Variants in ODR4 observed in about 807,000 individuals in gnomAD.
ODR4 encodes the protein protein odr-4 homolog.
ODR4 carries 47 observed loss-of-function variants against 60.2 expected under a neutral mutation model. The ratio of observed to expected loss-of-function variants is 0.78; its 90% CI spans 0.62 to 1.00. The LOEUF (loss-of-function observed/expected upper bound fraction) is 1.00, where lower values mean the gene tolerates loss of function less well. Ranked by LOEUF, ODR4 falls within the 50% of genes least tolerant of loss-of-function variation. The pLI, the probability that ODR4 is intolerant of heterozygous loss-of-function variation, is 0.00. For missense variants in ODR4, 488 were observed against 530.8 expected (o/e 0.92, Z 0.79); for synonymous variants, 178 against 175.5 (o/e 1.01, Z -0.11).
the ODR4 span, among the ~76,000 whole-genome samples, chr1:186,434,735 C>T: frequency 3.9e-5 from 6 of 152,130 alleles, no homozygotes; most frequent in African/African-American, 1.4e-4. Context: ...TTCTGTGGGA[C>T]TTACACAGTT....
At chr1:186,407,411 A>G (rs995872074) in intron 12 of ODR4, among the ~76,000 whole-genome samples, 5 of 152,116 alleles carry the variant, frequency 3.3e-5, no homozygotes, top group Non-Finnish European at 5.9e-5. Flanking sequence ...ACTTAGGATC[A>G]TGAGGACAGG....
At chr1:186,381,490 G>A (rs898002951) in intron 2 of ODR4, among the ~76,000 whole-genome samples, 11 of 152,054 alleles carry the variant, frequency 7.2e-5, no homozygotes, top group Non-Finnish European at 1.5e-4. Context: ...ACCTCGCCCG[G>A]CTAATTTTTT....
the ODR4 span, among the ~76,000 whole-genome samples, chr1:186,427,700 A>C: frequency 1.3e-5 from 2 of 152,252 alleles, no homozygotes; most frequent in Non-Finnish European, 2.9e-5. Flanking sequence ...TAGTTTGTCC[A>C]GATCCATCAG....
Position 186,398,348 on chromosome 1 carries a change from C to T in ODR4, c.816C>T (p.Val272=). Residue 272 remains valine (V), a synonymous_variant, in exon 10 of 14, where the codon GTC becomes GTT. Transcript: ENST00000287859. ...LNSDHRSTAT[V]QICSGSVNLK... is the part of the protein sequence containing the mutation. The stretch of plus-strand genomic sequence containing the variant: ...CAGACCACAGATCCACAGCCACAGT[C>T]CAGATATGTAGCGGTTCTGTAAACC... 1.2e-6 allele frequency: 2 copies of T among 1,609,562 alleles called. No homozygotes were observed. The highest frequency in any genetic ancestry group is 4.5e-5 in the East Asian group (2 of 44,586).
At chr1:186,425,213 G>T (rs1216395813), downstream of ODR4, among the ~76,000 whole-genome samples, 1 of 152,062 alleles carries the variant, frequency 6.6e-6, no homozygotes, top group Non-Finnish European at 1.5e-5. Flanking sequence ...AACATATGAG[G>T]CACCTTTACT....
intron 11 of ODR4, among the ~76,000 whole-genome samples, chr1:186,402,540 C>T (rs1046962267): frequency 5.9e-5 from 9 of 151,788 alleles, no homozygotes; most frequent in South Asian, 4.2e-4. Context: ...GCTGGGACTA[C>T]AGGCAAGGGC....
chr1:186,425,226 A>G (rs951057720), downstream of ODR4, among the ~76,000 whole-genome samples: 3 of 152,134 alleles, frequency 2.0e-5, no homozygotes, highest in Non-Finnish European at 4.4e-5. Flanking sequence ...CCTTTACTAC[A>G]GTTTCCCTCA....
In ODR4 at chr1:186,393,969, C is replaced by A; in HGVS notation, c.734C>A (p.Thr245Asn). Residue 245 changes from threonine (T) to asparagine (N), a missense_variant, in exon 9 of 14, where the codon ACT becomes AAT. Coordinates refer to ENST00000287859, the MANE Select transcript of ODR4 (RefSeq NM_017847.6). ...CAGAAAAAATCTTCTAGAGGAAATA[C>A]TCAAGCAACTAGTCATTCTTTTGAT... ...EGQKKSSRGN[T>N]QATSHSFDVR... 1 of 1,522,978 alleles carries A rather than the reference C, an allele frequency of 6.6e-7. No individual in the cohort carries two copies. The highest frequency in any genetic ancestry group is 8.9e-7 in the Non-Finnish European group (1 of 1,123,954). 94.3% of individuals were successfully genotyped at this position (1,522,978 alleles called of 1,614,324 possible).
At chr1:186,382,113 G>A (rs903691749) in intron 2 of ODR4, among the ~76,000 whole-genome samples, 1 of 151,958 alleles carries the variant, frequency 6.6e-6, no homozygotes, top group Non-Finnish European at 1.5e-5. Flanking sequence ...TGATATTACA[G>A]CTGAAGAACA....
intron 9 of ODR4, among the ~76,000 whole-genome samples, chr1:186,396,329 CTGAGCATGGTAGCTCATGCCT>C (rs1660669962): frequency 6.6e-6 from 1 of 152,170 alleles, no homozygotes; most frequent in Non-Finnish European, 1.5e-5. Flanking sequence ...CTTTTCCTGG[CTGAGCATGGTAGCTCATGCCT>C]GTAATCCCAG....
Position 186,394,031 on chromosome 1 carries a change from TA to T in ODR4, c.780+18del. 1.6e-6 allele frequency: 2 copies of T among 1,278,068 alleles called. No homozygotes were observed. Among genetic ancestry groups the T allele is most frequent in the Non-Finnish European group, 2.2e-6 (2 of 910,234 alleles). The allele number at this position is 1,278,068 out of a possible 1,614,324, so 79.2% of individuals were successfully genotyped here. A position where few individuals can be genotyped will look rare whatever the true frequency, so the allele number is the denominator to read the frequency against. ...AACGCAGTTGGTAAATATTTTAAAATAACACTTAAAATATTTATTAGCATAA... is the reference window on the plus strand; with the variant it reads ...AACGCAGTTGGTAAATATTTTAAAATACACTTAAAATATTTATTAGCATAA... On this transcript the variant is annotated intron_variant, in intron 9 of 13. Coordinates refer to ENST00000287859, the MANE Select transcript of ODR4 (RefSeq NM_017847.6).
intron 7 of ODR4, among the ~76,000 whole-genome samples, 197 bp from the exon 8 acceptor site, chr1:186,391,499 A>T (rs1430034654): frequency 6.6e-6 from 1 of 151,272 alleles, no homozygotes; most frequent in East Asian, 2.0e-4. Context: ...TCAGAAAATA[A>T]CTATTATTAA....
At chr1:186,426,474 A>G in the ODR4 span, among the ~76,000 whole-genome samples, 21 of 152,184 alleles carry the variant, frequency 1.4e-4, no homozygotes, top group Non-Finnish European at 2.6e-4. Context: ...TTGGCTTCCC[A>G]CAGCATGGTG....
intron 6 of ODR4, 103 bp downstream of exon 6, chr1:186,389,727 A>G (rs1571670355): frequency 1.4e-6 from 1 of 737,584 alleles, no homozygotes; most frequent in South Asian, 1.9e-5. Context: ...ATCACTTCCT[A>G]TTGATGCCTA....
At chr1:186,407,303 G>A (rs1661210441) in intron 12 of ODR4, among the ~76,000 whole-genome samples, 1 of 151,762 alleles carries the variant, frequency 6.6e-6, no homozygotes, top group South Asian at 2.1e-4. Flanking sequence ...GTAGCAGATG[G>A]AAAGTATCTG....
chr1:186,405,145 G>A (rs1661124734), intron 11 of ODR4, among the ~76,000 whole-genome samples: 1 of 152,048 alleles, frequency 6.6e-6, no homozygotes, highest in Non-Finnish European at 1.5e-5. Context: ...ATAAATATTA[G>A]TAATAAAGAG....
At chr1:186,409,976 T>C (rs921977767) in intron 12 of ODR4, among the ~76,000 whole-genome samples, 2 of 152,254 alleles carry the variant, frequency 1.3e-5, no homozygotes, top group Admixed American at 6.5e-5. Context: ...TATAATACTT[T>C]ACATACTTGT....
intron 9 of ODR4, among the ~76,000 whole-genome samples, chr1:186,394,546 T>C (rs1660598521): frequency 1.3e-5 from 2 of 152,190 alleles, no homozygotes; most frequent in South Asian, 4.1e-4. Flanking sequence ...AAGCCACTAA[T>C]TATTCCTAAA....
At chr1:186,428,149 TCTC>T in the ODR4 span, among the ~76,000 whole-genome samples, 5 of 152,202 alleles carry the variant, frequency 3.3e-5, no homozygotes, top group South Asian at 4.1e-4. Flanking sequence ...GGCATTGACT[TCTC>T]CTCTCTAGCT....
Sources: gnomAD v4.1 joint callset for allele counts (sites outside exome capture counted in the v4.1 genomes callset) on GRCh38, gnomAD v4.1.1 for gene constraint, MANE v1.5 for transcripts, NCBI Gene and HGNC (gene_info 2026-07-23, HGNC 2026-07-21) for gene names.